Variants in OTOGL observed in about 807,000 individuals in gnomAD.
OTOGL encodes the protein otogelin-like protein.
A neutral mutation model predicts 318.5 loss-of-function variants in OTOGL; 285 were observed. The ratio of observed to expected loss-of-function variants is 0.89; its 90% CI spans 0.81 to 0.99. The LOEUF is 0.99. Ranked by LOEUF, OTOGL falls within the 50% of genes least tolerant of loss-of-function variation. The pLI is 0.00. For synonymous variants in OTOGL, 987 were observed against 936.5 expected, an observed-to-expected ratio of 1.05 and a Z score of -0.99; for missense variants, 2,899 against 2,845.6, an observed-to-expected ratio of 1.02 and a Z score of -0.43.
intron 6 of OTOGL, among the ~76,000 whole-genome samples, chr12:80,220,654 A>G (rs1878232074): frequency 7.6e-6 from 1 of 132,098 alleles, no homozygotes; most frequent in South Asian, 2.2e-4. Context: ...AGTGTCTAAG[A>G]TAGGATTCTA....
At chr12:80,234,176 C>T (rs1342600560) in intron 9 of OTOGL, among the ~76,000 whole-genome samples, 1 of 152,160 alleles carries the variant, frequency 6.6e-6, no homozygotes, top group African/African-American at 2.4e-5. Flanking sequence ...GTCTCAGCCT[C>T]TCAAGTAGCT....
chr12:80,334,837 C>CT (rs1565992856), intron 38 of OTOGL, among the ~76,000 whole-genome samples: 1 of 152,002 alleles, frequency 6.6e-6, no homozygotes, highest in Non-Finnish European at 1.5e-5. Flanking sequence ...GTTCAGATGT[C>CT]TGTGAGGTCT....
intron 9 of OTOGL, 74 bp downstream of exon 9, chr12:80,233,171 A>T (rs1879533262): frequency 7.4e-7 from 1 of 1,350,516 alleles, no homozygotes; most frequent in East Asian, 2.5e-5. Context: ...GTTTGTACCC[A>T]GAAGACTTGT....
intron 1 of OTOGL, among the ~76,000 whole-genome samples, chr12:80,154,754 C>G (rs1280868545): frequency 6.6e-6 from 1 of 152,132 alleles, no homozygotes; most frequent in Non-Finnish European, 1.5e-5. Context: ...CATCTGTGTA[C>G]AGGTTTTTGT....
At chr12:80,234,297 G>A (rs983185867) in intron 9 of OTOGL, among the ~76,000 whole-genome samples, 6 of 152,134 alleles carry the variant, frequency 3.9e-5, no homozygotes, top group Non-Finnish European at 8.8e-5. Context: ...TACTGTCAGG[G>A]TTGGATTACA....
chr12:80,292,954 G>A (rs916112210), intron 26 of OTOGL, among the ~76,000 whole-genome samples: 1 of 151,956 alleles, frequency 6.6e-6, no homozygotes, highest in African/African-American at 2.4e-5. Context: ...GTTAGTTTGA[G>A]GCCAAAAGAC....
intron 1 of OTOGL, among the ~76,000 whole-genome samples, chr12:80,201,236 G>T (rs1876430105): frequency 6.6e-6 from 1 of 152,142 alleles, no homozygotes; most frequent in Non-Finnish European, 1.5e-5. Flanking sequence ...TTTTATAAAG[G>T]AATACCTGAG....
rs1885437601 is a variant in OTOGL at position 80,296,891 on chromosome 12, T to C, written c.2993T>C (p.Val998Ala). The change falls in exon 27 of 59, where the codon GTT becomes GCT. Residue 998 changes from valine (V) to alanine (A), a missense_variant. Physicochemically the swap from Val to Ala is moderately conservative, Grantham distance 64. Transcript: ENST00000547103. ...AAGAAATGCTTTGACAACGATATTG[T>C]TTGTTCTAAAAGTGTTTTGATTTCA... ...QNKKCFDNDI[V>A]CSKSVLISVG... 5 of 1,535,246 alleles carry C rather than the reference T, an allele frequency of 3.3e-6. No individual in the cohort carries two copies. The South Asian group carries it at 6.0e-5, about 18-fold the overall frequency.
At chr12:80,155,929 G>A (rs777149897) in intron 1 of OTOGL, among the ~76,000 whole-genome samples, 7 of 152,192 alleles carry the variant, frequency 4.6e-5, no homozygotes, top group African/African-American at 1.2e-4. Flanking sequence ...TTACGTCCAC[G>A]TTGTGGCAAA....
In OTOGL at chr12:80,278,210, C is replaced by T. The variant is rs993092764; in HGVS notation, c.2724C>T (p.Cys908=). ...GAAAGTGTTATGTTCCTGAAAGCTG[C>T]CCATGTATTTGGAAAGATTGGGAGT... The part of the protein sequence containing the change: ...HRGKCYVPES[C]PCIWKDWEYL... The change falls in exon 25 of 59, where the codon TGC becomes TGT. Residue 908 remains cysteine (C), a synonymous_variant. Transcript: ENST00000547103. 3 of 1,546,860 alleles carry T rather than the reference C, an allele frequency of 1.9e-6. No homozygotes were observed. Among genetic ancestry groups the T allele is most frequent in the Non-Finnish European group, 2.6e-6 (3 of 1,144,400 alleles).
At chr12:80,252,727 A>G (rs1881683269) in intron 13 of OTOGL, among the ~76,000 whole-genome samples, 1 of 152,188 alleles carries the variant, frequency 6.6e-6, no homozygotes, top group African/African-American at 2.4e-5. Flanking sequence ...TCACAGAGAT[A>G]AGTGATTTTC....
At chr12:80,274,744 G>T (rs1883668443) in intron 24 of OTOGL, among the ~76,000 whole-genome samples, 1 of 151,946 alleles carries the variant, frequency 6.6e-6, no homozygotes, top group Non-Finnish European at 1.5e-5. Flanking sequence ...AGGGGCTAAG[G>T]CAGCTTGTGA....
At chr12:80,116,177 G>T (rs1276035858) in intron 1 of OTOGL, among the ~76,000 whole-genome samples, 1 of 152,198 alleles carries the variant, frequency 6.6e-6, no homozygotes, top group East Asian at 1.9e-4. Context: ...GGCCTTGGTG[G>T]TGTAGGCACC....
At chr12:80,100,190 G>A (rs1869053192) in intron 1 of OTOGL, among the ~76,000 whole-genome samples, 1 of 152,122 alleles carries the variant, frequency 6.6e-6, no homozygotes, top group Non-Finnish European at 1.5e-5. Flanking sequence ...AGGACTTTCA[G>A]TTGCCCAACT....
At chr12:80,274,059 T>A (rs957669812) in intron 24 of OTOGL, among the ~76,000 whole-genome samples, 1 of 151,962 alleles carries the variant, frequency 6.6e-6, no homozygotes, top group African/African-American at 2.4e-5. Context: ...TGAGACACAA[T>A]ACTGAAATTA....
intron 9 of OTOGL, 39 bp from the exon 10 acceptor site, chr12:80,238,812 C>A: frequency 1.4e-6 from 2 of 1,450,246 alleles, no homozygotes; most frequent in South Asian, 1.4e-5. Context: ...ATGATTACAC[C>A]TATTTGTGTG....
chr12:80,293,906 G>T (rs1357419305), intron 26 of OTOGL, among the ~76,000 whole-genome samples: 1 of 152,118 alleles, frequency 6.6e-6, no homozygotes, highest in Non-Finnish European at 1.5e-5. Context: ...TTTTGTGTGG[G>T]ATAATTACCC....
chr12:80,279,095 G>T lies in OTOGL; in HGVS notation c.2857G>T (p.Asp953Tyr). 1 of 1,594,330 alleles carries T rather than the reference G, an allele frequency of 6.3e-7. No homozygotes were observed. The highest frequency in any genetic ancestry group is 8.5e-7 in the Non-Finnish European group (1 of 1,175,990). ...CCCAGCAGTGTGCACAATATACGGGGACCGACATTATTATTCTTTTGATGG... is the reference window on the plus strand; with the variant it reads ...CCCAGCAGTGTGCACAATATACGGGTACCGACATTATTATTCTTTTGATGG... ...PCPAVCTIYG[D>Y]RHYYSFDGLE... Residue 953 changes from aspartate to tyrosine, a missense_variant, in exon 26 of 59, where the codon GAC (aspartate) becomes TAC (tyrosine). Transcript: ENST00000547103.
At chr12:80,364,464 G>A (rs1890412269) in intron 52 of OTOGL, among the ~76,000 whole-genome samples, 1 of 151,986 alleles carries the variant, frequency 6.6e-6, no homozygotes, top group Admixed American at 6.6e-5. Flanking sequence ...ACAGTTCAAT[G>A]GCTTTTAGTA....
Sources: allele counts gnomAD v4.1 joint callset (sites outside exome capture counted in the v4.1 genomes callset), GRCh38; gene constraint gnomAD v4.1.1; transcripts MANE v1.5; gene names NCBI Gene and HGNC (gene_info 2026-07-23, HGNC 2026-07-21).